The following TBC1D5 variants were observed in gnomAD, a reference collection of about 807,000 sequenced individuals.
The protein encoded by TBC1D5 is TBC1 domain family, member 5.
In TBC1D5, 75 loss-of-function variants were observed where a neutral mutation model predicts 100.3. The observed-to-expected ratio is 0.75, with a 90% confidence interval of 0.62 to 0.91. TBC1D5 has a LOEUF of 0.91. Ranked by LOEUF, TBC1D5 falls within the 40% of genes least tolerant of loss-of-function variation. The pLI is 0.00. For missense variants in TBC1D5, 910 were observed against 942.4 expected (o/e 0.97, Z 0.45); for synonymous variants, 323 against 325.6 (o/e 0.99, Z 0.09).
chr3:17,651,945 C>T (rs182877757), intron 1 of TBC1D5, among the ~76,000 whole-genome samples: 2 of 152,192 alleles, frequency 1.3e-5, no homozygotes, highest in East Asian at 3.9e-4. Context: ...CAGAGGACAT[C>T]GGATCTTCCA....
At chr3:17,457,715 G>A (rs750035618) in intron 3 of TBC1D5, among the ~76,000 whole-genome samples, 7 of 150,438 alleles carry the variant, frequency 4.7e-5, no homozygotes, top group Non-Finnish European at 7.4e-5. Context: ...TTTTTCTTGC[G>A]CGTTCATATG....
At chr3:17,365,284 C>T (rs1367463081) in intron 13 of TBC1D5, among the ~76,000 whole-genome samples, 1 of 152,148 alleles carries the variant, frequency 6.6e-6, no homozygotes, top group Non-Finnish European at 1.5e-5. Context: ...TCTAGAAAGG[C>T]ATGTGGATGG....
intron 13 of TBC1D5, among the ~76,000 whole-genome samples, chr3:17,309,716 AC>A (rs2150586298): frequency 1.3e-5 from 2 of 152,182 alleles, no homozygotes; most frequent in South Asian, 4.1e-4. Context: ...AAGTACAAAA[AC>A]ATCTCTAAAT....
intron 1 of TBC1D5, chr3:17,706,250 G>C (rs1490599835): frequency 6.5e-7 from 1 of 1,548,710 alleles, no homozygotes; most frequent in Admixed American, 2.0e-5. Flanking sequence ...ATTGATATTT[G>C]TACTTCTTCA....
intron 17 of TBC1D5, among the ~76,000 whole-genome samples, chr3:17,232,647 C>T (rs917508624): frequency 1.3e-5 from 2 of 152,076 alleles, no homozygotes; most frequent in Non-Finnish European, 2.9e-5. Context: ...ACCTGTGAGA[C>T]ACAGAACTAT....
At chr3:17,272,470 T>A (rs1037793814) in intron 15 of TBC1D5, among the ~76,000 whole-genome samples, 2 of 152,192 alleles carry the variant, frequency 1.3e-5, no homozygotes, top group African/African-American at 4.8e-5. Context: ...CTTCCTCTTA[T>A]GGAAGAAACA....
At chr3:17,165,709 G>C (rs2066522618) in intron 21 of TBC1D5, among the ~76,000 whole-genome samples, 1 of 152,184 alleles carries the variant, frequency 6.6e-6, no homozygotes. Context: ...AAGTGACTTA[G>C]ATAATATTTT....
chr3:17,306,069 T>C (rs868714497), intron 14 of TBC1D5, among the ~76,000 whole-genome samples: 28 of 152,272 alleles, frequency 1.8e-4, no homozygotes, highest in Middle Eastern at 3.4e-3. Context: ...AAACAGCTTA[T>C]AGAAACACAT....
At chr3:17,506,050 G>T (rs1261498807) in intron 3 of TBC1D5, among the ~76,000 whole-genome samples, 1 of 152,202 alleles carries the variant, frequency 6.6e-6, no homozygotes, top group Non-Finnish European at 1.5e-5. Flanking sequence ...GCACTAAAGT[G>T]CAGTGTTTAA....
At chr3:17,497,145 G>T (rs1415034075) in intron 3 of TBC1D5, among the ~76,000 whole-genome samples, 1 of 144,276 alleles carries the variant, frequency 6.9e-6, no homozygotes, top group Non-Finnish European at 1.5e-5. Context: ...CACCATCCTT[G>T]TATATCTGCA....
intron 1 of TBC1D5, among the ~76,000 whole-genome samples, chr3:17,701,323 T>C (rs1448868664): frequency 6.6e-6 from 1 of 151,916 alleles, no homozygotes; most frequent in African/African-American, 2.4e-5. Context: ...CTGGGGCCTG[T>C]TAGGGGGTAG....
chr3:17,660,919 A>C (rs2066582733), intron 1 of TBC1D5, among the ~76,000 whole-genome samples: 1 of 152,238 alleles, frequency 6.6e-6, no homozygotes, highest in Admixed American at 6.5e-5. Context: ...TAGCTTTAAT[A>C]AACAACATTT....
At chr3:17,563,993 A>G (rs921221783) in intron 2 of TBC1D5, among the ~76,000 whole-genome samples, 13 of 152,278 alleles carry the variant, frequency 8.5e-5, no homozygotes, top group East Asian at 1.9e-4. Flanking sequence ...CGTGTTAGCC[A>G]GGATGGTCTC....
intron 16 of TBC1D5, among the ~76,000 whole-genome samples, chr3:17,242,245 C>G (rs927107984): frequency 1.3e-5 from 2 of 152,160 alleles, no homozygotes; most frequent in African/African-American, 4.8e-5. Context: ...ATCACATTAT[C>G]ACCTCTATAA....
intron 2 of TBC1D5, among the ~76,000 whole-genome samples, chr3:17,566,219 A>G (rs2096592627): frequency 6.6e-6 from 1 of 152,096 alleles, no homozygotes; most frequent in Admixed American, 6.5e-5. Context: ...CACATCTAAC[A>G]GTCTGCTGTG....
chr3:17,362,483 C>CT (rs566034115), intron 13 of TBC1D5, among the ~76,000 whole-genome samples: 3,584 of 146,776 alleles, frequency 0.024, 122 homozygotes, highest in African/African-American at 0.078. Context: ...CGTAGACTGA[C>CT]TTTTTTTTTT....
chr3:17,596,377 C>T (rs1393260144), intron 2 of TBC1D5, among the ~76,000 whole-genome samples: 1 of 142,898 alleles, frequency 7.0e-6, no homozygotes, highest in Non-Finnish European at 1.5e-5. Flanking sequence ...GGAGTGCAGT[C>T]GCGCAATTTG....
chr3:17,446,291 G>C (rs1293041554), intron 3 of TBC1D5, among the ~76,000 whole-genome samples: 1 of 152,106 alleles, frequency 6.6e-6, no homozygotes, highest in African/African-American at 2.4e-5. Flanking sequence ...CTATTGATGA[G>C]AAGAATTATA....
intron 13 of TBC1D5, among the ~76,000 whole-genome samples, chr3:17,317,928 G>A (rs1054787358): frequency 6.6e-6 from 1 of 151,864 alleles, no homozygotes; most frequent in African/African-American, 2.4e-5. Flanking sequence ...ACATGCACAC[G>A]TATGTTTATT....
Sources: allele counts gnomAD v4.1 joint callset (sites outside exome capture counted in the v4.1 genomes callset), GRCh38; gene constraint gnomAD v4.1.1; transcripts MANE v1.5; gene names NCBI Gene and HGNC (gene_info 2026-07-23, HGNC 2026-07-21).